Variants in HECW1 observed in about 807,000 individuals in gnomAD.
The protein encoded by HECW1 is E3 ubiquitin-protein ligase HECW1.
HECW1 carries 61 observed loss-of-function variants against 182.3 expected under a neutral mutation model. The observed-to-expected ratio is 0.33, with a 90% CI of 0.27 to 0.41. HECW1 has a LOEUF of 0.41. HECW1 is among the 10% of genes least tolerant of loss of function. The pLI is 1.00. For synonymous variants in HECW1, 859 were observed against 832.6 expected, an observed-to-expected ratio of 1.03 and a Z score of -0.55; for missense variants, 1,739 against 2,108.9, an observed-to-expected ratio of 0.82 and a Z score of 3.44.
chr7:43,510,334 TG>T (rs1477115203), intron 24 of HECW1: 1 of 152,208 alleles, frequency 6.6e-6, no homozygotes, highest in Non-Finnish European at 1.5e-5. Context: ...AAATTTAAGA[TG>T]GTGTCTTAGA....
chr7:43,421,738 C>T (rs1484042239), intron 8 of HECW1, among the ~76,000 whole-genome samples: 1 of 152,172 alleles, frequency 6.6e-6, no homozygotes, highest in Non-Finnish European at 1.5e-5. Flanking sequence ...CCACTGCACA[C>T]TCACCAGTGT....
chr7:43,340,951 C>T (rs1005487840), intron 5 of HECW1, among the ~76,000 whole-genome samples: 10 of 151,772 alleles, frequency 6.6e-5, no homozygotes, highest in Non-Finnish European at 1.5e-4. Flanking sequence ...AAATGTGGCA[C>T]ATATACACCA....
rs915162560 is a variant in HECW1 at position 43,450,756 on chromosome 7, A to G, written c.2399-72A>G. On this transcript the variant is annotated intron_variant, in intron 11 of 29. Coordinates refer to ENST00000395891, the MANE Select transcript of HECW1 (RefSeq NM_015052.5). ...GTTGTTTCTTGTAGTGCTTAGTTTT[A>G]CAGTCATGCTTTTTTGATGATGTTG... The G allele has an allele frequency of 4.2e-6, 4 of 954,234 alleles. No homozygotes were observed. The African/African-American group carries it at 4.8e-5, about 11-fold the overall frequency. The allele number at this position is 954,234 out of a possible 1,614,324, so 59.1% of individuals were successfully genotyped here.
chr7:43,388,287 A>G (rs2074881732), intron 6 of HECW1, among the ~76,000 whole-genome samples: 1 of 152,246 alleles, frequency 6.6e-6, no homozygotes, highest in African/African-American at 2.4e-5. Context: ...TGACTTGGTT[A>G]TTATGCAATA....
At chr7:43,142,672 T>C (rs1428681555) in intron 2 of HECW1, among the ~76,000 whole-genome samples, 1 of 152,216 alleles carries the variant, frequency 6.6e-6, no homozygotes, top group East Asian at 1.9e-4. Context: ...TGGCTTCTAA[T>C]TTTTTGTTTT....
At chr7:43,514,301 C>CTTTTTTT in intron 24 of HECW1, among the ~76,000 whole-genome samples, 1 of 140,494 alleles carries the variant, frequency 7.1e-6, no homozygotes, top group East Asian at 2.1e-4. Flanking sequence ...CTTTTCTTTT[C>CTTTTTTT]TTTTTTTTTT....
chr7:43,522,898 C>T (rs1015667173), intron 24 of HECW1, among the ~76,000 whole-genome samples: 1 of 152,166 alleles, frequency 6.6e-6, no homozygotes, highest in Non-Finnish European at 1.5e-5. Context: ...CTCTGCTTCC[C>T]TAATATTTAT....
chr7:43,556,282 G>C (rs993843521), intron 29 of HECW1, among the ~76,000 whole-genome samples: 1 of 152,194 alleles, frequency 6.6e-6, no homozygotes, highest in Non-Finnish European at 1.5e-5. Flanking sequence ...CTGAGAGCGG[G>C]GAATGGCAGC....
intron 3 of HECW1, among the ~76,000 whole-genome samples, chr7:43,281,228 C>T (rs1442871108): frequency 6.6e-6 from 1 of 152,136 alleles, no homozygotes; most frequent in Non-Finnish European, 1.5e-5. Context: ...GAATCATTTG[C>T]GTCATGGCCA....
At chr7:43,346,808 T>C (rs1359189253) in intron 5 of HECW1, among the ~76,000 whole-genome samples, 1 of 152,110 alleles carries the variant, frequency 6.6e-6, no homozygotes, top group Non-Finnish European at 1.5e-5. Context: ...CTGTAAGTAT[T>C]TGGGTTTATT....
At chr7:43,540,151 A>T (rs1328072198) in intron 24 of HECW1, among the ~76,000 whole-genome samples, 1 of 152,254 alleles carries the variant, frequency 6.6e-6, no homozygotes, top group Non-Finnish European at 1.5e-5. Flanking sequence ...TATTCATTTT[A>T]ACATCTTTAT....
intron 2 of HECW1, among the ~76,000 whole-genome samples, chr7:43,141,776 G>T (rs983047814): frequency 2.0e-5 from 3 of 152,166 alleles, no homozygotes; most frequent in Non-Finnish European, 4.4e-5. Context: ...GAGATTACAG[G>T]TGTGAACCAC....
intron 2 of HECW1, among the ~76,000 whole-genome samples, chr7:43,116,150 C>T (rs2152592930): frequency 6.6e-6 from 1 of 152,208 alleles, no homozygotes; most frequent in African/African-American, 2.4e-5. Flanking sequence ...GACTCAAATC[C>T]AGGCCTTCCA....
At chr7:43,494,398 C>A (rs1201110282) in intron 19 of HECW1, among the ~76,000 whole-genome samples, 1 of 152,152 alleles carries the variant, frequency 6.6e-6, no homozygotes, top group African/African-American at 2.4e-5. Flanking sequence ...TATTCCCTAT[C>A]ACCCTATCAT....
intron 29 of HECW1, among the ~76,000 whole-genome samples, chr7:43,560,965 A>G (rs2152966460): frequency 6.6e-6 from 1 of 152,334 alleles, no homozygotes; most frequent in South Asian, 2.1e-4. Context: ...CTACTACGGT[A>G]CAGGACTCGG....
chr7:43,369,866 AG>A (rs1232633933), intron 6 of HECW1, among the ~76,000 whole-genome samples: 3 of 152,246 alleles, frequency 2.0e-5, no homozygotes, highest in Admixed American at 2.0e-4. Context: ...ATGAGTTCAC[AG>A]GTGAAGTCTT....
intron 2 of HECW1, among the ~76,000 whole-genome samples, chr7:43,152,196 T>C (rs1431133732): frequency 2.2e-5 from 1 of 44,994 alleles, no homozygotes; most frequent in African/African-American, 1.4e-4. Flanking sequence ...TAATGCATAA[T>C]TTCTGGGAAA....
chr7:43,327,007 T>C (rs1212024788), intron 5 of HECW1, among the ~76,000 whole-genome samples: 2 of 152,230 alleles, frequency 1.3e-5, no homozygotes, highest in African/African-American at 4.8e-5. Context: ...AACTTGGGCA[T>C]GTTTTCACCA....
chr7:43,168,517 A>G (rs181429901), intron 2 of HECW1, among the ~76,000 whole-genome samples: 1 of 152,088 alleles, frequency 6.6e-6, no homozygotes, highest in African/African-American at 2.4e-5. Context: ...TAAATTAGCC[A>G]GGCATGATGG....
Sources: allele counts gnomAD v4.1 joint callset (sites outside exome capture counted in the v4.1 genomes callset), GRCh38; gene constraint gnomAD v4.1.1; transcripts MANE v1.5; gene names NCBI Gene and HGNC (gene_info 2026-07-23, HGNC 2026-07-21).